The following JADE3 variants were observed in gnomAD, a reference collection of about 807,000 sequenced individuals.
The protein encoded by JADE3 is jade family PHD finger 3.
Under a neutral mutation model 50.1 loss-of-function variants are expected in JADE3, and 2 were observed. The observed-to-expected ratio is 0.04, with a 90% CI of 0.02 to 0.13. The LOEUF (loss-of-function observed/expected upper bound fraction) is 0.13, where lower values mean the gene tolerates loss of function less well. Ranked by LOEUF, JADE3 falls within the 10% of genes least tolerant of loss-of-function variation. The pLI, the probability that JADE3 is intolerant of heterozygous loss-of-function variation, is 1.00. For synonymous variants in JADE3, 218 were observed against 232.9 expected (o/e 0.94, Z 0.58); for missense variants, 475 against 634.4 (o/e 0.75, Z 2.70).
chrX:47,007,807 T>TGTGTGTGTG (rs1569537171), intron 4 of JADE3, among the ~76,000 whole-genome samples: 2 of 70,834 alleles, frequency 2.8e-5, no homozygotes, highest in African/African-American at 1.3e-4. Context: ...TCCTTTTATT[T>TGTGTGTGTG]TGTGTGTGTG....
At chrX:46,917,830 TCATC>T (rs1440160614) in intron 1 of JADE3, among the ~76,000 whole-genome samples, 29 of 26,700 alleles carry the variant, frequency 1.1e-3, no homozygotes, top group Admixed American at 3.4e-3. Flanking sequence ...TCACTCTCTC[TCATC>T]CTCTCTCTCT....
chrX:46,955,108 C>T (rs1374686945), intron 1 of JADE3, among the ~76,000 whole-genome samples: 1 of 112,617 alleles, frequency 8.9e-6, no homozygotes, highest in Non-Finnish European at 1.9e-5. Context: ...CAGCAGAGAG[C>T]TGCTTGAGTT....
intron 3 of JADE3, among the ~76,000 whole-genome samples, chrX:46,997,571 A>C (rs1029062982): frequency 9.8e-5 from 11 of 111,762 alleles, no homozygotes; most frequent in Non-Finnish European, 1.9e-4. Flanking sequence ...AAAAATAGTG[A>C]AAATTTGAAT....
At chrX:46,923,056 A>G (rs1388953829) in intron 1 of JADE3, among the ~76,000 whole-genome samples, 1 of 110,960 alleles carries the variant, frequency 9.0e-6, no homozygotes, top group Admixed American at 9.6e-5. Context: ...TCCGTTACCC[A>G]GGCTGGAGTG....
chrX:47,047,562 A>G (rs782304531), intron 8 of JADE3, among the ~76,000 whole-genome samples: 1 of 111,078 alleles, frequency 9.0e-6, no homozygotes, highest in African/African-American at 3.3e-5. Context: ...AAAAAAAAAA[A>G]AAGTAAATAA....
intron 10 of JADE3, among the ~76,000 whole-genome samples, chrX:47,057,835 C>T (rs1215853153): frequency 8.9e-6 from 1 of 111,830 alleles, no homozygotes; most frequent in Non-Finnish European, 1.9e-5. Context: ...AGACCCTATT[C>T]TAAACCATTG....
chrX:47,018,219 T>C (rs1267765651), intron 4 of JADE3, among the ~76,000 whole-genome samples: 1 of 111,240 alleles, frequency 9.0e-6, no homozygotes, highest in Admixed American at 9.6e-5. Flanking sequence ...CCCATCTCCT[T>C]CTTCCCACAC....
chrX:46,950,380 C>G (rs1290708627), intron 1 of JADE3, among the ~76,000 whole-genome samples: 2 of 112,413 alleles, frequency 1.8e-5, no homozygotes, highest in Admixed American at 9.4e-5. Context: ...TAAATAGAAG[C>G]GTATAACATA....
At chrX:47,022,667 G>A (rs916652321) in intron 4 of JADE3, among the ~76,000 whole-genome samples, 2 of 111,757 alleles carry the variant, frequency 1.8e-5, no homozygotes, top group African/African-American at 3.3e-5. Flanking sequence ...GATGACATAC[G>A]TGTGTTTATT....
chrX:46,923,035 T>A (rs1386752403), intron 1 of JADE3, among the ~76,000 whole-genome samples: 1 of 111,088 alleles, frequency 9.0e-6, no homozygotes, highest in East Asian at 2.8e-4. Flanking sequence ...GCTTTTGAGA[T>A]AAGGTCTCTC....
At chrX:46,997,989 A>G in intron 3 of JADE3, 131 bp from the exon 4 acceptor site, 1 of 506,323 alleles carries the variant, frequency 2.0e-6, no homozygotes, top group South Asian at 4.6e-5. Context: ...TGATCTGGCC[A>G]TTTAGGAAGT....
intron 1 of JADE3, among the ~76,000 whole-genome samples, chrX:46,927,466 A>G (rs1290965201): frequency 1.8e-5 from 2 of 112,172 alleles, no homozygotes; most frequent in African/African-American, 6.5e-5. Context: ...GATGTATGAG[A>G]GTCTTGTATA....
chrX:47,014,069 A>G (rs1928621806), intron 4 of JADE3, among the ~76,000 whole-genome samples: 1 of 112,023 alleles, frequency 8.9e-6, no homozygotes, highest in Non-Finnish European at 1.9e-5. Context: ...TTCATCTCCT[A>G]TTATAATTCT....
intron 1 of JADE3, among the ~76,000 whole-genome samples, chrX:46,974,863 T>C (rs1048386720): frequency 6.2e-5 from 7 of 112,671 alleles, no homozygotes; most frequent in Non-Finnish European, 1.3e-4. Context: ...TTCATCCCTT[T>C]AGAGCAAGAT....
chrX:46,948,747 C>T (rs782268442), intron 1 of JADE3, among the ~76,000 whole-genome samples: 2 of 111,303 alleles, frequency 1.8e-5, no homozygotes, highest in African/African-American at 6.5e-5. Context: ...CTTACACATT[C>T]AACCAGTGCC....
Position 47,017,937 on chromosome X carries a change from C to G in JADE3, c.285-6787C>G, listed in dbSNP as rs781948354. On this transcript the variant is annotated intron_variant, in intron 4 of 10. Transcript: ENST00000614628. ...CCAAACCAGTTCTATTTGTAGTTCTCTAGCTTTAGCTGATAGAAAAATCTA... is the reference window on the plus strand; with the variant it reads ...CCAAACCAGTTCTATTTGTAGTTCTGTAGCTTTAGCTGATAGAAAAATCTA... Among the ~76,000 whole-genome samples the G allele has an allele frequency of 9.8e-5, 11 of 112,175 alleles. No individual in the cohort carries two copies. The South Asian group carries it at 1.1e-3, about 11-fold the overall frequency.
intron 4 of JADE3, among the ~76,000 whole-genome samples, chrX:47,024,367 C>T (rs1928862316): frequency 8.9e-6 from 1 of 111,869 alleles, no homozygotes; most frequent in African/African-American, 3.3e-5. Context: ...GTGGCATGTG[C>T]CTGTAGTCTC....
At chrX:47,028,789 C>T (rs1431384202) in intron 6 of JADE3, among the ~76,000 whole-genome samples, 1 of 111,036 alleles carries the variant, frequency 9.0e-6, no homozygotes, top group African/African-American at 3.3e-5. Flanking sequence ...CACTGTGTTC[C>T]AACAAAATAA....
chrX:47,049,201 T>C (rs1279803366), intron 8 of JADE3, among the ~76,000 whole-genome samples: 1 of 102,213 alleles, frequency 9.8e-6, no homozygotes, highest in Non-Finnish European at 2.0e-5. Context: ...TTTTTTTTTT[T>C]CCCTGAGACT....
Sources: gnomAD v4.1 joint callset for allele counts (sites outside exome capture counted in the v4.1 genomes callset) on GRCh38, gnomAD v4.1.1 for gene constraint, MANE v1.5 for transcripts, NCBI Gene and HGNC (gene_info 2026-07-23, HGNC 2026-07-21) for gene names.